Variants in SLC1A7 observed in about 807,000 individuals in gnomAD.
The protein encoded by SLC1A7 is excitatory amino acid transporter 5.
A neutral mutation model predicts 47.7 loss-of-function variants in SLC1A7; 40 were observed. The observed-to-expected ratio is 0.84, with a 90% CI of 0.65 to 1.09. The LOEUF is 1.09. Ranked by LOEUF, SLC1A7 falls within the 50% of genes least tolerant of loss-of-function variation. The pLI, the probability that SLC1A7 is intolerant of heterozygous loss-of-function variation, is 0.00. For missense variants in SLC1A7, 746 were observed against 769.5 expected (o/e 0.97, Z 0.36); for synonymous variants, 323 against 325.6 (o/e 0.99, Z 0.09).
At chr1:53,138,876 T>G (rs1245674300) in intron 1 of SLC1A7, among the ~76,000 whole-genome samples, 1 of 152,176 alleles carries the variant, frequency 6.6e-6, no homozygotes, top group Non-Finnish European at 1.5e-5. Flanking sequence ...GTTCTCTGAT[T>G]GTTCCTTCTT....
At chr1:53,114,409 G>A (rs189113787) in intron 3 of SLC1A7, among the ~76,000 whole-genome samples, 151 of 152,226 alleles carry the variant, frequency 9.9e-4, no homozygotes, top group Middle Eastern at 6.8e-3. Flanking sequence ...ACCTTTTTGA[G>A]CCCCATTTCC....
intron 4 of SLC1A7, among the ~76,000 whole-genome samples, chr1:53,104,758 C>T (rs952468149): frequency 6.6e-6 from 1 of 152,228 alleles, no homozygotes; most frequent in Admixed American, 6.5e-5. Flanking sequence ...CCAGGCTCAA[C>T]ACAGGGCCCA....
intron 2 of SLC1A7, among the ~76,000 whole-genome samples, chr1:53,120,724 T>C (rs1644810317): frequency 6.6e-6 from 1 of 152,224 alleles, no homozygotes; most frequent in Non-Finnish European, 1.5e-5. Flanking sequence ...ACCCTGCTAG[T>C]GGGCTCAACC....
intron 2 of SLC1A7, among the ~76,000 whole-genome samples, chr1:53,126,105 G>A (rs1004492455): frequency 1.4e-4 from 22 of 152,242 alleles, no homozygotes; most frequent in African/African-American, 5.3e-4. Context: ...GGAGTGGGTT[G>A]CTGTTTCTTT....
At chr1:53,133,803 G>C (rs1010351464) in intron 2 of SLC1A7, among the ~76,000 whole-genome samples, 1 of 151,894 alleles carries the variant, frequency 6.6e-6, no homozygotes, top group Non-Finnish European at 1.5e-5. Context: ...AATTCATCTC[G>C]CACCATCCCG....
At chr1:53,117,237 G>A (rs919841373) in intron 2 of SLC1A7, among the ~76,000 whole-genome samples, 5 of 152,176 alleles carry the variant, frequency 3.3e-5, no homozygotes, top group African/African-American at 7.2e-5. Context: ...GATGTGGCCC[G>A]AGCTCAGGTA....
chr1:53,101,510 TGCCTCAGTACACTC>T (rs1644580213), intron 5 of SLC1A7, among the ~76,000 whole-genome samples: 1 of 149,200 alleles, frequency 6.7e-6, no homozygotes, highest in African/African-American at 2.5e-5. Context: ...TCACACACCC[TGCCTCAGTACACTC>T]ACCCTGACTC....
intron 2 of SLC1A7, chr1:53,118,404 C>T (rs1333015573): frequency 2.6e-5 from 4 of 152,142 alleles, no homozygotes; most frequent in East Asian, 1.9e-4. Context: ...AGATTGAGCC[C>T]GTCTTCTTGT....
intron 4 of SLC1A7, 105 bp downstream of exon 4, chr1:53,105,627 A>T: frequency 1.1e-6 from 1 of 908,452 alleles, no homozygotes; most frequent in South Asian, 1.3e-5. Flanking sequence ...AGACAGCGTG[A>T]CTGGCCAGCA....
In SLC1A7 at chr1:53,090,787, T is replaced by A. The variant is rs551690347; in HGVS notation, c.1051A>T (p.Thr351Ser). The A allele has an allele frequency of 1.2e-6, 2 of 1,612,288 alleles. No homozygotes were observed. The highest frequency in any genetic ancestry group is 8.5e-7 in the Non-Finnish European group (1 of 1,179,282). The change falls in exon 8 of 11, where the codon ACC becomes TCC. Residue 351 changes from threonine to serine, a missense_variant. Physicochemically the swap from Thr to Ser is moderately conservative, Grantham distance 58 (BLOSUM62 1). Coordinates refer to ENST00000371494, the MANE Select transcript of SLC1A7 (RefSeq NM_006671.6). Reference sequence around the variant, plus strand: ...TTGTTCTCCAGCAGGCACTTGAAGGTGATGGGCAGTGTGGCTGAGCTACGG... The same window carrying A: ...TTGTTCTCCAGCAGGCACTTGAAGGAGATGGGCAGTGTGGCTGAGCTACGG... Reference protein sequence around the residue: ...TSSSSATLPITFKCLLENNHI... With the variant: ...TSSSSATLPISFKCLLENNHI...
Position 53,092,720 on chromosome 1 carries a change from C to T in SLC1A7, c.865G>A (p.Val289Ile), listed in dbSNP as rs553133490. The T allele has an allele frequency of 1.3e-4, 208 of 1,614,094 alleles. No individual in the cohort carries two copies. In the East Asian group the frequency reaches 1.6e-3, roughly 12 times the overall value. Residue 289 changes from valine (V) to isoleucine (I), a missense_variant, in exon 7 of 11, where the codon GTC becomes ATC. Physicochemically the swap from Val to Ile is conservative, Grantham distance 29. Transcript: ENST00000371494. ...GAGTAGAAGCCCAGCTTCTTGCCGA[C>T]GGCCCTGGGGTCGTCCATCTCCAGG... ...KILEMDDPRA[V>I]GKKLGFYSVT...
intron 1 of SLC1A7, among the ~76,000 whole-genome samples, chr1:53,138,907 C>T (rs918844445): frequency 6.6e-6 from 1 of 152,058 alleles, no homozygotes; most frequent in Non-Finnish European, 1.5e-5. Flanking sequence ...CTCTGTTGTA[C>T]GGTAACTATA....
At chr1:53,124,412 T>A (rs533532555) in intron 2 of SLC1A7, among the ~76,000 whole-genome samples, 1 of 152,238 alleles carries the variant, frequency 6.6e-6, no homozygotes, top group East Asian at 1.9e-4. Context: ...CAGTTTCCCC[T>A]GAAGGACGCC....
intron 2 of SLC1A7, among the ~76,000 whole-genome samples, chr1:53,131,293 C>T (rs893836138): frequency 6.6e-6 from 1 of 152,182 alleles, no homozygotes; most frequent in African/African-American, 2.4e-5. Flanking sequence ...GGAGGCAGGT[C>T]GAGGACCCTG....
In SLC1A7 at chr1:53,103,557, C is replaced by G. The variant is rs1004095249; in HGVS notation, c.486G>C (p.Lys162Asn). 3.8e-6 allele frequency: 6 copies of G among 1,597,940 alleles called. No homozygotes were observed. Among genetic ancestry groups the G allele is most frequent in the Admixed American group, 3.4e-5 (2 of 58,774 alleles). ...TGGGGGACTTGACAACTGGGGTGGT[C>G]TTGGTGCGGTACTGGTGGGTGACAC... ...VEATFKQYRT[K>N]TTPVVKSPKV... The change falls in exon 5 of 11, where the codon AAG becomes AAC. Residue 162 changes from lysine to asparagine, a missense_variant. Lys to Asn is a moderately conservative substitution (Grantham distance 94). Coordinates refer to ENST00000371494, the MANE Select transcript of SLC1A7 (RefSeq NM_006671.6).
At chr1:53,131,420 T>TGCCTCTGTTCTAGAGGC (rs1553165048) in intron 2 of SLC1A7, among the ~76,000 whole-genome samples, 1 of 152,198 alleles carries the variant, frequency 6.6e-6, no homozygotes, top group Non-Finnish European at 1.5e-5. Context: ...GCCTCTAAGG[T>TGCCTCTGTTCTAGAGGC]GCCTCTGTTC....
At chr1:53,118,287 G>A (rs780106465) in intron 2 of SLC1A7, 4 of 152,368 alleles carry the variant, frequency 2.6e-5, no homozygotes, top group East Asian at 3.9e-4. Flanking sequence ...TCGCGTGGAC[G>A]GGCACGGAAA....
chr1:53,093,375 C>G, intron 6 of SLC1A7, 86 bp downstream of exon 6: 1 of 1,112,896 alleles, frequency 9.0e-7, no homozygotes, highest in Non-Finnish European at 1.3e-6. Context: ...TTTCTGCTCA[C>G]TTTACGGGAG....
chr1:53,102,278 G>A (rs2150324268), intron 5 of SLC1A7: 1 of 152,424 alleles, frequency 6.6e-6, no homozygotes, highest in East Asian at 1.9e-4. Flanking sequence ...TCTGCTGAGT[G>A]CCTGCTGTAG....
Sources: gnomAD v4.1 joint callset for allele counts (sites outside exome capture counted in the v4.1 genomes callset) on GRCh38, gnomAD v4.1.1 for gene constraint, MANE v1.5 for transcripts, NCBI Gene and HGNC (gene_info 2026-07-23, HGNC 2026-07-21) for gene names.